MRPL48: variants seen among roughly 807,000 people sequenced by gnomAD.
The protein encoded by MRPL48 is mitochondrial ribosomal protein L48, also known as large ribosomal subunit protein mL48.
MRPL48 carries 16 observed loss-of-function variants against 32.9 expected under a neutral mutation model. The observed-to-expected ratio is 0.49, with a 90% confidence interval of 0.33 to 0.74. The LOEUF is 0.74. MRPL48 is among the 30% of genes least tolerant of loss of function. The probability of loss-of-function intolerance (pLI) is 0.02; values close to 1 mark genes in which losing one functional copy is unlikely to be tolerated. For synonymous variants in MRPL48, 94 were observed against 89.2 expected, an observed-to-expected ratio of 1.05 and a Z score of -0.31; for missense variants, 206 against 245.3, an observed-to-expected ratio of 0.84 and a Z score of 1.07.
chr11:73,845,250 A>T, intron 5 of MRPL48: 1 of 265,042 alleles, frequency 3.8e-6, no homozygotes. Flanking sequence ...CCAGAATATC[A>T]TATAAATGAA....
intron 6 of MRPL48, among the ~76,000 whole-genome samples, chr11:73,860,833 C>A (rs1365186326): frequency 3.3e-5 from 5 of 152,236 alleles, no homozygotes; most frequent in Admixed American, 3.3e-4. Flanking sequence ...TTTTCCTCAC[C>A]CTAAAAGAAA....
At chr11:73,818,322 T>C (rs1388715523) in intron 3 of MRPL48, among the ~76,000 whole-genome samples, 1 of 151,974 alleles carries the variant, frequency 6.6e-6, no homozygotes, top group Non-Finnish European at 1.5e-5. Context: ...TAGAAGTAAA[T>C]ATATAAAACT....
At chr11:73,794,421 G>A (rs1413651985) in intron 1 of MRPL48, among the ~76,000 whole-genome samples, 2 of 151,698 alleles carry the variant, frequency 1.3e-5, no homozygotes, top group East Asian at 4.0e-4. Flanking sequence ...TGGGCGTGGT[G>A]GCGCATGTGT....
chr11:73,803,521 A>G (rs1337991658), intron 1 of MRPL48, among the ~76,000 whole-genome samples: 3 of 151,750 alleles, frequency 2.0e-5, no homozygotes, highest in African/African-American at 7.3e-5. Context: ...CTTTTTCTCT[A>G]GTGTCCTTTT....
At chr11:73,825,938 A>T (rs943924853) in intron 4 of MRPL48, 142 bp downstream of exon 4, 2 of 741,542 alleles carry the variant, frequency 2.7e-6, no homozygotes, top group Non-Finnish European at 4.2e-6. Flanking sequence ...ATTAATTTGG[A>T]ATTTCCAGAC....
At chr11:73,802,858 C>T (rs1947384085) in intron 1 of MRPL48, among the ~76,000 whole-genome samples, 1 of 151,984 alleles carries the variant, frequency 6.6e-6, no homozygotes, top group Non-Finnish European at 1.5e-5. Flanking sequence ...CACCACCACG[C>T]CTGGCTAATT....
intron 2 of MRPL48, among the ~76,000 whole-genome samples, chr11:73,806,044 C>T (rs1410219178): frequency 1.3e-5 from 2 of 152,122 alleles, no homozygotes; most frequent in Non-Finnish European, 2.9e-5. Context: ...ACTACCATCA[C>T]TTTGCCTCCC....
intron 5 of MRPL48, among the ~76,000 whole-genome samples, chr11:73,848,242 C>T (rs942061075): frequency 2.0e-5 from 3 of 151,768 alleles, no homozygotes; most frequent in Non-Finnish European, 2.9e-5. Context: ...TTTTCTTTCT[C>T]CACTGAATTA....
intron 3 of MRPL48, among the ~76,000 whole-genome samples, chr11:73,810,769 C>T (rs1397028950): frequency 1.3e-5 from 2 of 150,908 alleles, no homozygotes; most frequent in Non-Finnish European, 2.9e-5. Flanking sequence ...CATGTGTTCT[C>T]ATTGTTCAAC....
chr11:73,835,140 C>CTTTTTTTTTT lies in MRPL48; in HGVS notation c.201+9355_201+9364dup, dbSNP rs35448499. Among the ~76,000 whole-genome samples the CTTTTTTTTTT allele has an allele frequency of 1.8e-5, 2 of 108,474 alleles. 1 individual carries two copies. The highest frequency in any genetic ancestry group is 2.1e-4 in the Admixed American group (2 of 9,630). 71.2% of individuals were successfully genotyped at this position (108,474 alleles called of 152,430 possible). A position where few individuals can be genotyped will look rare whatever the true frequency, so the allele number is the denominator to read the frequency against. ...GAGCCACTGTGCCCAGCCATGTTGTCTTTTTTTTTTTTTTTTTTTTGAGAC... is the reference window on the plus strand; with the variant it reads ...GAGCCACTGTGCCCAGCCATGTTGTCTTTTTTTTTTTTTTTTTTTTTTTTTTTTTTGAGAC... On this transcript the variant is annotated intron_variant, in intron 4 of 7. Coordinates refer to ENST00000310614, the MANE Select transcript of MRPL48 (RefSeq NM_016055.6).
At chr11:73,855,433 C>G (rs1948468300) in intron 5 of MRPL48, among the ~76,000 whole-genome samples, 1 of 152,002 alleles carries the variant, frequency 6.6e-6, no homozygotes, top group Non-Finnish European at 1.5e-5. Flanking sequence ...CACCTCAGGA[C>G]CTTTGCATAT....
At chr11:73,850,947 A>T (rs1184083299) in intron 5 of MRPL48, 1 of 296,262 alleles carries the variant, frequency 3.4e-6, no homozygotes, top group Non-Finnish European at 6.6e-6. Context: ...AAGTGCTGGG[A>T]TTACAGGCGT....
At chr11:73,793,122 A>G (rs1486960481) in intron 1 of MRPL48, among the ~76,000 whole-genome samples, 1 of 152,000 alleles carries the variant, frequency 6.6e-6, no homozygotes, top group East Asian at 1.9e-4. Context: ...CTGGAGTGCA[A>G]TGGTGCGATC....
chr11:73,812,646 C>T (rs1380591988), intron 3 of MRPL48, among the ~76,000 whole-genome samples: 1 of 151,070 alleles, frequency 6.6e-6, no homozygotes, highest in East Asian at 1.9e-4. Context: ...TGAGGCTGTA[C>T]CGCACTTTGA....
intron 3 of MRPL48, among the ~76,000 whole-genome samples, chr11:73,815,878 C>T (rs1947657486): frequency 6.7e-6 from 1 of 149,948 alleles, no homozygotes; most frequent in Non-Finnish European, 1.5e-5. Flanking sequence ...CCTGTGCCAC[C>T]ATGCTTGACT....
chr11:73,831,926 G>A (rs1948002564), intron 4 of MRPL48, among the ~76,000 whole-genome samples: 1 of 104,760 alleles, frequency 9.5e-6, no homozygotes, highest in African/African-American at 3.8e-5. Flanking sequence ...GGCAACAAGA[G>A]TGAAACTCTG....
At chr11:73,843,519 C>T (rs1052767088) in intron 4 of MRPL48, among the ~76,000 whole-genome samples, 6 of 152,010 alleles carry the variant, frequency 3.9e-5, no homozygotes, top group East Asian at 1.9e-4. Context: ...CCATCACGCC[C>T]GGCCTTCATT....
chr11:73,821,887 A>G (rs1947790561), intron 3 of MRPL48, among the ~76,000 whole-genome samples: 1 of 152,158 alleles, frequency 6.6e-6, no homozygotes, highest in Non-Finnish European at 1.5e-5. Flanking sequence ...TGCCTACCCT[A>G]ATAGGTAATA....
intron 5 of MRPL48, among the ~76,000 whole-genome samples, chr11:73,846,906 G>A (rs1948302477): frequency 6.6e-6 from 1 of 151,434 alleles, no homozygotes; most frequent in East Asian, 1.9e-4. Flanking sequence ...CTGAATGCCT[G>A]GCTAATTTTA....
Sources: gnomAD v4.1 joint callset for allele counts (sites outside exome capture counted in the v4.1 genomes callset) on GRCh38, gnomAD v4.1.1 for gene constraint, MANE v1.5 for transcripts, NCBI Gene and HGNC (gene_info 2026-07-23, HGNC 2026-07-21) for gene names.